SEMA6A: variants seen among roughly 807,000 people sequenced by gnomAD.
SEMA6A encodes the protein semaphorin-6A.
SEMA6A carries 25 observed loss-of-function variants against 96.8 expected under a neutral mutation model. The observed-to-expected ratio is 0.26, with a 90% CI of 0.19 to 0.36. The LOEUF (loss-of-function observed/expected upper bound fraction) is 0.36. Among genes scored for constraint, SEMA6A ranks in the 10% least tolerant of loss-of-function variants. The pLI, the probability that SEMA6A is intolerant of heterozygous loss-of-function variation, is 1.00. For missense variants in SEMA6A, 1,363 were observed against 1,323.1 expected, an observed-to-expected ratio of 1.03 and a Z score of -0.47; for synonymous variants, 612 against 518.0, an observed-to-expected ratio of 1.18 and a Z score of -2.46.
At chr5:116,460,430 G>C (rs891966380) in intron 18 of SEMA6A, among the ~76,000 whole-genome samples, 1 of 152,102 alleles carries the variant, frequency 6.6e-6, no homozygotes, top group Non-Finnish European at 1.5e-5. Flanking sequence ...AAGGCCAAAT[G>C]TAATATATAA....
Position 116,446,929 on chromosome 5 carries a change from G to C in SEMA6A, c.2777C>G (p.Thr926Arg). 6.2e-7 allele frequency: 1 copy of C among 1,613,978 alleles called. No homozygotes were observed. Among genetic ancestry groups the C allele is most frequent in the South Asian group, 1.1e-5 (1 of 91,074 alleles). The change falls in exon 19 of 19, where the codon ACG (threonine) becomes AGG (arginine). Residue 926 changes from threonine (T) to arginine (R), a missense_variant. This residue lies in a region of SEMA6A where 883 missense variants were observed against 763.6 expected (regional missense o/e 1.16). Transcript: ENST00000343348. ...YKRSYPTNSL[T>R]RSHQATTLKR... ...GAGAGTGGTGGCCTGGTGGCTTCTC[G>C]TGAGCGAGTTCGTGGGGTAGCTCCT...
At chr5:116,459,953 C>T (rs1221960784) in intron 18 of SEMA6A, among the ~76,000 whole-genome samples, 2 of 152,140 alleles carry the variant, frequency 1.3e-5, no homozygotes, top group African/African-American at 4.8e-5. Flanking sequence ...GGAAAGGTTG[C>T]TGTCTTGCCT....
chr5:116,454,664 G>T (rs149409973), intron 18 of SEMA6A, among the ~76,000 whole-genome samples: 25 of 152,298 alleles, frequency 1.6e-4, no homozygotes, highest in Middle Eastern at 3.4e-3. Flanking sequence ...GGTTATCTGG[G>T]CAGGAAGCAG....
At chr5:116,482,264 A>G (rs1036684814) in intron 11 of SEMA6A, among the ~76,000 whole-genome samples, 180 bp downstream of exon 11, 1 of 152,118 alleles carries the variant, frequency 6.6e-6, no homozygotes, top group Non-Finnish European at 1.5e-5. Flanking sequence ...GCAGAAGACT[A>G]GAGGAACATT....
chr5:116,555,947 A>G (rs1249464216), intron 1 of SEMA6A, among the ~76,000 whole-genome samples: 2 of 152,150 alleles, frequency 1.3e-5, no homozygotes, highest in African/African-American at 4.8e-5. Context: ...ATTACCTACA[A>G]TCTAAACACT....
Position 116,447,531 on chromosome 5 carries a change from T to A in SEMA6A, c.2175A>T (p.Pro725=), listed in dbSNP as rs1307699869. 20 of 1,613,868 alleles carry A rather than the reference T, an allele frequency of 1.2e-5. No individual in the cohort carries two copies. The highest frequency in any genetic ancestry group is 1.6e-5 in the Non-Finnish European group (19 of 1,179,904). Residue 725 remains proline (P), a synonymous_variant, in exon 19 of 19, where the codon CCA becomes CCT. Coordinates refer to ENST00000343348, the MANE Select transcript of SEMA6A (RefSeq NM_020796.5). ...KDPKPEAILT[P]LMHNGKLATP... ...TGGCGAGCTTGCCGTTGTGCATGAG[T>A]GGCGTGAGGATGGCCTCCGGCTTTG...
chr5:116,505,069 G>T, intron 1 of SEMA6A, 87 bp from the exon 2 acceptor site: 1 of 629,916 alleles, frequency 1.6e-6, no homozygotes, highest in Non-Finnish European at 2.8e-6. Context: ...AAATTCGAGA[G>T]AAAAAAAGGC....
chr5:116,567,390 C>T (rs925956652), intron 1 of SEMA6A, among the ~76,000 whole-genome samples: 4 of 152,144 alleles, frequency 2.6e-5, no homozygotes, highest in Non-Finnish European at 5.9e-5. Flanking sequence ...ACTATTTCCC[C>T]TGCCCCCCAG....
chr5:116,482,200 A>G (rs933563479), intron 11 of SEMA6A, among the ~76,000 whole-genome samples: 1 of 152,108 alleles, frequency 6.6e-6, no homozygotes, highest in Non-Finnish European at 1.5e-5. Flanking sequence ...GACACCTCAG[A>G]TGGTTTCCAC....
At chr5:116,486,646 G>A (rs1757062549) in intron 10 of SEMA6A, 103 bp downstream of exon 10, 6 of 893,010 alleles carry the variant, frequency 6.7e-6, no homozygotes, top group Admixed American at 2.2e-5. Flanking sequence ...CACAATGAAT[G>A]CAATTTTCAG....
At chr5:116,539,590 C>CGTGTGT (rs138539399) in intron 1 of SEMA6A, among the ~76,000 whole-genome samples, 7,135 of 144,900 alleles carry the variant, frequency 0.049, 276 homozygotes, top group African/African-American at 0.12. Context: ...TAATTCTGTG[C>CGTGTGT]GTGTGTGTGT....
intron 1 of SEMA6A, among the ~76,000 whole-genome samples, chr5:116,527,382 G>A (rs1580476901): frequency 1.3e-5 from 2 of 152,158 alleles, no homozygotes; most frequent in African/African-American, 4.8e-5. Flanking sequence ...AATGGATTTG[G>A]GGTTTGCAAA....
intron 1 of SEMA6A, among the ~76,000 whole-genome samples, chr5:116,544,215 G>A (rs923538589): frequency 6.6e-6 from 1 of 152,074 alleles, no homozygotes; most frequent in African/African-American, 2.4e-5. Context: ...CTTGGATGCG[G>A]GGTCTACGGC....
intron 18 of SEMA6A, among the ~76,000 whole-genome samples, chr5:116,454,129 G>A (rs543769521): frequency 6.6e-6 from 1 of 152,150 alleles, no homozygotes; most frequent in Non-Finnish European, 1.5e-5. Context: ...ATAGGCATCT[G>A]TGTAAAGTGG....
At chr5:116,551,151 C>G (rs1360623781) in intron 1 of SEMA6A, among the ~76,000 whole-genome samples, 1 of 151,842 alleles carries the variant, frequency 6.6e-6, no homozygotes, top group Non-Finnish European at 1.5e-5. Context: ...AGGTCATGAC[C>G]AAATAGAACA....
rs1754092081 is a variant in SEMA6A at position 116,444,896 on chromosome 5, A to G, written c.*1717T>C. ...CGCCTGCTCTCTAGCCAGTGGACGC[A>G]GCAGAAAAGAGGAATGGGACGTTAG... On this transcript the variant is annotated 3_prime_UTR_variant, in exon 19 of 19. Transcript: ENST00000343348. The G allele has an allele frequency of 6.5e-6, 1 of 152,716 alleles. No homozygotes were observed. Among genetic ancestry groups the G allele is most frequent in the Non-Finnish European group, 1.5e-5 (1 of 68,070 alleles). The allele number at this position is 152,716 out of a possible 1,614,324, so 9.5% of individuals were successfully genotyped here.
intron 18 of SEMA6A, among the ~76,000 whole-genome samples, chr5:116,463,496 T>G (rs1755541866): frequency 6.6e-6 from 1 of 152,228 alleles, no homozygotes; most frequent in South Asian, 2.1e-4. Flanking sequence ...TACCGGAATA[T>G]TATTTCCCAA....
intron 1 of SEMA6A, chr5:116,508,172 T>G (rs1232750857): frequency 6.6e-6 from 1 of 152,216 alleles, no homozygotes; most frequent in Non-Finnish European, 1.5e-5. Context: ...GTACTCCAGA[T>G]TGAAGACGAA....
At chr5:116,547,734 T>TAAAAAAAAA (rs34908253) in intron 1 of SEMA6A, among the ~76,000 whole-genome samples, 19 of 65,572 alleles carry the variant, frequency 2.9e-4, no homozygotes, top group Non-Finnish European at 4.0e-4. Flanking sequence ...ATCTGATACT[T>TAAAAAAAAA]AAAAAAAAAA....
Sources: allele counts gnomAD v4.1 joint callset (sites outside exome capture counted in the v4.1 genomes callset), GRCh38; gene constraint gnomAD v4.1.1; regional missense constraint gnomAD v4.1.1; transcripts MANE v1.5; gene names NCBI Gene and HGNC (gene_info 2026-07-23, HGNC 2026-07-21).